Variants in CEP85L observed in about 807,000 individuals in gnomAD.
The protein encoded by CEP85L is centrosomal protein 85L.
A neutral mutation model predicts 100.3 loss-of-function variants in CEP85L; 60 were observed. That is an observed-to-expected ratio of 0.60 (90% CI 0.49 to 0.74). The LOEUF is 0.74. Among genes scored for constraint, CEP85L ranks in the 30% least tolerant of loss-of-function variants. CEP85L has a pLI of 0.00. For missense variants in CEP85L, 973 were observed against 936.2 expected, an observed-to-expected ratio of 1.04 and a Z score of -0.51; for synonymous variants, 319 against 322.7, an observed-to-expected ratio of 0.99 and a Z score of 0.12.
chr6:118,551,940 TACC>T (rs1778572340), intron 3 of CEP85L, among the ~76,000 whole-genome samples: 2 of 152,012 alleles, frequency 1.3e-5, no homozygotes, highest in African/African-American at 4.8e-5. Flanking sequence ...CCTAATTTAT[TACC>T]ACAAGTCCAA....
intron 1 of CEP85L, among the ~76,000 whole-genome samples, chr6:118,672,388 T>C (rs1187867701): frequency 6.6e-6 from 1 of 152,192 alleles, no homozygotes; most frequent in African/African-American, 2.4e-5. Context: ...TTTTTAATAT[T>C]TGTTGAATAT....
intron 5 of CEP85L, chr6:118,502,431 T>C: frequency 1.9e-6 from 1 of 530,096 alleles, no homozygotes; most frequent in Non-Finnish European, 3.7e-6. Context: ...CCTATAAGAG[T>C]TGGAGATATC....
chr6:118,651,347 T>C lies in CEP85L; in HGVS notation c.-78A>G. 7.2e-7 allele frequency: 1 copy of C among 1,385,232 alleles called. No homozygotes were observed. Among genetic ancestry groups the C allele is most frequent in the South Asian group, 1.6e-5 (1 of 63,982 alleles). 85.8% of individuals were successfully genotyped at this position (1,385,232 alleles called of 1,614,324 possible). On this transcript the variant is annotated 5_prime_UTR_variant, in exon 1 of 13. Coordinates refer to ENST00000368491, the MANE Select transcript of CEP85L (RefSeq NM_001042475.3). Reference sequence around the variant, plus strand: ...CTCCTGCTTCTTCGGCGGCGGAAACTTGCGCGGAGCGTGGGCCTCGGCGAC... The same window carrying C: ...CTCCTGCTTCTTCGGCGGCGGAAACCTGCGCGGAGCGTGGGCCTCGGCGAC...
At chr6:118,659,717 C>T (rs1775910722) in intron 1 of CEP85L, among the ~76,000 whole-genome samples, 2 of 152,186 alleles carry the variant, frequency 1.3e-5, no homozygotes, top group Admixed American at 1.3e-4. Flanking sequence ...TCTTTGCTCA[C>T]CCTTGAAGGT....
chr6:118,639,526 T>G (rs1450381785), intron 1 of CEP85L, among the ~76,000 whole-genome samples: 1 of 152,196 alleles, frequency 6.6e-6, no homozygotes, highest in Non-Finnish European at 1.5e-5. Context: ...TTCTGCACCT[T>G]AAGAGTCCTA....
At chr6:118,515,011 A>C (rs146855667) in intron 4 of CEP85L, among the ~76,000 whole-genome samples, 1 of 151,416 alleles carries the variant, frequency 6.6e-6, no homozygotes, top group African/African-American at 2.4e-5. Context: ...AAATCTCACT[A>C]TGTTGCCCAG....
chr6:118,507,580 C>T (rs1317965512), intron 5 of CEP85L, among the ~76,000 whole-genome samples: 1 of 152,220 alleles, frequency 6.6e-6, no homozygotes, highest in African/African-American at 2.4e-5. Context: ...TCACTCGGCC[C>T]TTGCTTACCT....
intron 5 of CEP85L, among the ~76,000 whole-genome samples, chr6:118,500,108 C>A (rs545002778): frequency 7.9e-5 from 12 of 152,034 alleles, no homozygotes; most frequent in Middle Eastern, 3.4e-3. Context: ...GAAGACCAGC[C>A]TAGGCAACAT....
intron 2 of CEP85L, among the ~76,000 whole-genome samples, chr6:118,578,311 T>C (rs1016285084): frequency 6.6e-6 from 1 of 152,188 alleles, no homozygotes; most frequent in African/African-American, 2.4e-5. Context: ...TCCCCTCCTC[T>C]CTTAGCAAAC....
chr6:118,697,307 G>A (rs903093551), intron 1 of CEP85L, among the ~76,000 whole-genome samples: 7 of 152,150 alleles, frequency 4.6e-5, no homozygotes, highest in East Asian at 3.8e-4. Context: ...AAATGTCTTC[G>A]TATGATAGTC....
intron 6 of CEP85L, among the ~76,000 whole-genome samples, chr6:118,484,772 G>A (rs144059311): frequency 2.8e-4 from 4 of 14,418 alleles, no homozygotes; most frequent in East Asian, 9.1e-4. Context: ...ATTTTGTTAC[G>A]TTAACAGACT....
intron 2 of CEP85L, among the ~76,000 whole-genome samples, chr6:118,581,995 C>G (rs1281793627): frequency 6.6e-6 from 1 of 152,152 alleles, no homozygotes; most frequent in Admixed American, 6.5e-5. Flanking sequence ...CCCTGTGAAA[C>G]AGCCCAGACC....
chr6:118,475,500 C>T (rs999326721), intron 10 of CEP85L, among the ~76,000 whole-genome samples: 1 of 151,600 alleles, frequency 6.6e-6, no homozygotes, highest in African/African-American at 2.4e-5. Flanking sequence ...ACTATAGGCG[C>T]CCGCCACCAC....
chr6:118,561,664 T>A (rs1779230840), intron 3 of CEP85L, among the ~76,000 whole-genome samples: 1 of 152,158 alleles, frequency 6.6e-6, no homozygotes. Flanking sequence ...AATATATATT[T>A]GTTTAATGCA....
At chr6:118,582,430 G>A (rs572308828) in intron 2 of CEP85L, among the ~76,000 whole-genome samples, 35 of 152,174 alleles carry the variant, frequency 2.3e-4, no homozygotes, top group Non-Finnish European at 4.0e-4. Context: ...CAGTTCCACA[G>A]GCAGCAGAAA....
intron 2 of CEP85L, among the ~76,000 whole-genome samples, chr6:118,587,114 G>A (rs191507788): frequency 1.3e-5 from 2 of 152,288 alleles, no homozygotes; most frequent in East Asian, 3.9e-4. Context: ...TGTCCTAAGT[G>A]GTTCGCTCAG....
At chr6:118,638,218 A>T (rs1408440398) in intron 1 of CEP85L, among the ~76,000 whole-genome samples, 1 of 152,110 alleles carries the variant, frequency 6.6e-6, no homozygotes, top group Non-Finnish European at 1.5e-5. Flanking sequence ...AAAAAAAAAA[A>T]AAGGAAAAGA....
At chr6:118,675,746 G>A (rs549071286) in intron 1 of CEP85L, among the ~76,000 whole-genome samples, 109 of 152,054 alleles carry the variant, frequency 7.2e-4, no homozygotes, top group African/African-American at 2.5e-3. Flanking sequence ...AACCCAGTAA[G>A]ACCCTGTCTC....
At chr6:118,543,139 C>G (rs939354469) in intron 3 of CEP85L, among the ~76,000 whole-genome samples, 3 of 151,710 alleles carry the variant, frequency 2.0e-5, no homozygotes, top group Admixed American at 1.3e-4. Context: ...ATTCATGAAT[C>G]ATTAATCAAA....
Sources: gnomAD v4.1 joint callset for allele counts (sites outside exome capture counted in the v4.1 genomes callset) on GRCh38, gnomAD v4.1.1 for gene constraint, MANE v1.5 for transcripts, NCBI Gene and HGNC (gene_info 2026-07-23, HGNC 2026-07-21) for gene names.